LRMDA: variants seen among roughly 807,000 people sequenced by gnomAD.
LRMDA encodes leucine rich melanocyte differentiation associated, also known as leucine-rich melanocyte differentiation-associated protein.
Under a neutral mutation model 29.8 loss-of-function variants are expected in LRMDA, and 18 were observed. The ratio of observed to expected loss-of-function variants is 0.60; its 90% CI spans 0.42 to 0.90. The LOEUF is 0.90. Ranked by LOEUF, LRMDA falls within the 40% of genes least tolerant of loss-of-function variation. LRMDA has a pLI of 0.00. For missense variants in LRMDA, 273 were observed against 273.9 expected, an observed-to-expected ratio of 1.00 and a Z score of 0.02; for synonymous variants, 125 against 109.4, an observed-to-expected ratio of 1.14 and a Z score of -0.89.
chr10:76,091,882 G>T (rs1849237485), intron 5 of LRMDA, among the ~76,000 whole-genome samples: 1 of 152,102 alleles, frequency 6.6e-6, no homozygotes, highest in Non-Finnish European at 1.5e-5. Flanking sequence ...TGTATAGATG[G>T]GGTCTATGTT....
intron 2 of LRMDA, among the ~76,000 whole-genome samples, chr10:75,914,748 T>G (rs1389016519): frequency 1.3e-5 from 2 of 152,242 alleles, no homozygotes; most frequent in Non-Finnish European, 2.9e-5. Context: ...TGTATTTGGT[T>G]TCTTAATTAT....
intron 6 of LRMDA, among the ~76,000 whole-genome samples, chr10:76,404,065 TAA>T (rs1306880374): frequency 6.6e-6 from 1 of 150,672 alleles, no homozygotes; most frequent in Admixed American, 6.6e-5. Flanking sequence ...TGAGTCACCT[TAA>T]AAAAAAATGT....
intron 6 of LRMDA, among the ~76,000 whole-genome samples, chr10:76,401,043 C>T (rs980105947): frequency 1.5e-4 from 23 of 152,074 alleles, no homozygotes; most frequent in South Asian, 2.1e-4. Context: ...TTTTGGGTTT[C>T]GGAGCATTTT....
At chr10:76,252,734 A>G (rs947281120) in intron 5 of LRMDA, among the ~76,000 whole-genome samples, 1 of 152,164 alleles carries the variant, frequency 6.6e-6, no homozygotes, top group African/African-American at 2.4e-5. Context: ...TGTGTGTCCT[A>G]CTGCTAGATA....
intron 1 of LRMDA, among the ~76,000 whole-genome samples, chr10:75,434,967 G>A (rs1250685852): frequency 6.6e-6 from 1 of 152,132 alleles, no homozygotes; most frequent in East Asian, 1.9e-4. Flanking sequence ...TACATAGGTG[G>A]GGACCCCTTC....
At chr10:75,599,743 G>T (rs1320727507) in intron 2 of LRMDA, among the ~76,000 whole-genome samples, 1 of 152,240 alleles carries the variant, frequency 6.6e-6, no homozygotes, top group Non-Finnish European at 1.5e-5. Flanking sequence ...CACTTCAAAT[G>T]TGGGTACTGT....
At chr10:75,529,435 C>A (rs996108215) in intron 2 of LRMDA, among the ~76,000 whole-genome samples, 1 of 152,184 alleles carries the variant, frequency 6.6e-6, no homozygotes, top group Non-Finnish European at 1.5e-5. Flanking sequence ...ATTTTACCAT[C>A]TTAGGTAACT....
chr10:75,612,844 C>G (rs1463681568), intron 2 of LRMDA, among the ~76,000 whole-genome samples: 1 of 151,190 alleles, frequency 6.6e-6, no homozygotes, highest in Non-Finnish European at 1.5e-5. Context: ...GTAAAATAAT[C>G]TAGTGGAGAC....
At chr10:76,243,973 C>T (rs1193538572) in intron 5 of LRMDA, among the ~76,000 whole-genome samples, 1 of 152,052 alleles carries the variant, frequency 6.6e-6, no homozygotes, top group African/African-American at 2.4e-5. Flanking sequence ...GGAATAGACA[C>T]CCAGAGGAGA....
intron 2 of LRMDA, among the ~76,000 whole-genome samples, chr10:75,758,232 C>G (rs1843056046): frequency 6.6e-6 from 1 of 152,222 alleles, no homozygotes; most frequent in African/African-American, 2.4e-5. Flanking sequence ...CTTGCTGCCC[C>G]CACCTGGGTG....
At chr10:75,750,222 C>A (rs1235653159) in intron 2 of LRMDA, among the ~76,000 whole-genome samples, 2 of 151,754 alleles carry the variant, frequency 1.3e-5, no homozygotes, top group Non-Finnish European at 2.9e-5. Flanking sequence ...AGGCGCCCCC[C>A]ACCTCCCGGA....
intron 6 of LRMDA, among the ~76,000 whole-genome samples, chr10:76,402,535 G>A (rs1377185191): frequency 2.0e-5 from 3 of 151,824 alleles, no homozygotes; most frequent in Non-Finnish European, 2.9e-5. Context: ...ATCTTTTTTT[G>A]TAGAGGTAGG....
At chr10:75,955,857 G>A (rs1283029310) in intron 2 of LRMDA, among the ~76,000 whole-genome samples, 2 of 152,130 alleles carry the variant, frequency 1.3e-5, no homozygotes, top group African/African-American at 4.8e-5. Context: ...CTCTTCCATG[G>A]CATTTCAGAG....
At chr10:76,346,816 C>CG (rs2132426943) in intron 6 of LRMDA, among the ~76,000 whole-genome samples, 1 of 152,192 alleles carries the variant, frequency 6.6e-6, no homozygotes, top group African/African-American at 2.4e-5. Context: ...CTCCATGAGA[C>CG]GCAAAACCAG....
intron 5 of LRMDA, among the ~76,000 whole-genome samples, chr10:76,266,427 CT>C (rs1840007385): frequency 1.3e-5 from 2 of 152,156 alleles, no homozygotes; most frequent in Admixed American, 1.3e-4. Flanking sequence ...TCCTGTGTTG[CT>C]TTTTTGTGTT....
intron 2 of LRMDA, among the ~76,000 whole-genome samples, chr10:75,959,911 G>A (rs776504304): frequency 6.6e-6 from 1 of 152,146 alleles, no homozygotes; most frequent in African/African-American, 2.4e-5. Flanking sequence ...ATAAGCTGTG[G>A]CAGAAATTCT....
intron 5 of LRMDA, among the ~76,000 whole-genome samples, chr10:76,310,187 A>G (rs960523486): frequency 2.0e-5 from 3 of 152,230 alleles, no homozygotes; most frequent in Non-Finnish European, 4.4e-5. Context: ...CCAAAGCTGA[A>G]TGCCAGCTCA....
chr10:76,324,365 G>A, intron 5 of LRMDA, 36 bp from the exon 6 acceptor site: 2 of 1,579,654 alleles, frequency 1.3e-6, no homozygotes, highest in Non-Finnish European at 1.7e-6. Flanking sequence ...TTGGTGTTTG[G>A]TGTTGCTTCA....
rs181263115 is a variant in LRMDA at position 75,588,621 on chromosome 10, T to C, written c.131+150127T>C. ...CTGTGAGTGGAGGTTTATTTATTTA[T>C]TGTTTATCAGTTTCATTTTTTGAAT... On this transcript the variant is annotated intron_variant, in intron 2 of 6. Transcript: ENST00000611255. Among the ~76,000 whole-genome samples the C allele has an allele frequency of 6.6e-5, 10 of 152,298 alleles. No homozygotes were observed. The East Asian group carries it at 1.9e-3, about 29-fold the overall frequency.
Sources: allele counts gnomAD v4.1 joint callset (sites outside exome capture counted in the v4.1 genomes callset), GRCh38; gene constraint gnomAD v4.1.1; transcripts MANE v1.5; gene names NCBI Gene and HGNC (gene_info 2026-07-23, HGNC 2026-07-21).